The following CAMK1D variants were observed in gnomAD, a reference collection of about 807,000 sequenced individuals.
CAMK1D encodes the protein calcium/calmodulin dependent protein kinase ID.
CAMK1D carries 9 observed loss-of-function variants against 47.7 expected under a neutral mutation model. The ratio of observed to expected loss-of-function variants is 0.19; its 90% CI spans 0.11 to 0.33. CAMK1D has a LOEUF of 0.33. Ranked by LOEUF, CAMK1D falls within the 10% of genes least tolerant of loss-of-function variation. The pLI is 1.00. For missense variants in CAMK1D, 291 were observed against 488.7 expected (o/e 0.60, Z 3.81); for synonymous variants, 184 against 184.9 (o/e 0.99, Z 0.04).
chr10:12,396,851 C>A (rs925171935), intron 1 of CAMK1D, among the ~76,000 whole-genome samples: 2 of 152,208 alleles, frequency 1.3e-5, no homozygotes, highest in African/African-American at 4.8e-5. Context: ...TTCTGCTCTT[C>A]CTGAGGTTTG....
intron 3 of CAMK1D, among the ~76,000 whole-genome samples, chr10:12,727,106 T>C (rs12254828): frequency 0.022 from 3,357 of 152,314 alleles, 81 homozygotes; most frequent in African/African-American, 0.058. Flanking sequence ...TTGTGGCTCA[T>C]GGGGCCCAAA....
intron 3 of CAMK1D, among the ~76,000 whole-genome samples, chr10:12,693,634 C>A (rs763014094): frequency 1.9e-4 from 29 of 151,404 alleles, no homozygotes; most frequent in Non-Finnish European, 1.6e-4. Context: ...CCTGTCCCCC[C>A]CTAAAAAAGA....
chr10:12,500,878 T>C lies in CAMK1D; in HGVS notation c.93-52347T>C, dbSNP rs552507983. Among the ~76,000 whole-genome samples, 9 of 152,380 alleles carry C rather than the reference T, an allele frequency of 5.9e-5. No homozygotes were observed. In the South Asian group the frequency reaches 1.4e-3, roughly 25 times the overall value. On this transcript the variant is annotated intron_variant, in intron 1 of 10. Transcript: ENST00000619168. ...TGAAGAAGAGGAAACTGTGCTGTTATTAACTGCCTATTGTGTGAACACTTT... is the reference window on the plus strand; with the variant it reads ...TGAAGAAGAGGAAACTGTGCTGTTACTAACTGCCTATTGTGTGAACACTTT...
At chr10:12,683,615 A>C (rs1474151217) in intron 3 of CAMK1D, among the ~76,000 whole-genome samples, 1 of 151,958 alleles carries the variant, frequency 6.6e-6, no homozygotes, top group Non-Finnish European at 1.5e-5. Flanking sequence ...GTCTCTTCTG[A>C]CTATGAGCTT....
chr10:12,423,134 T>G (rs935315870), intron 1 of CAMK1D, among the ~76,000 whole-genome samples: 1 of 152,206 alleles, frequency 6.6e-6, no homozygotes, highest in African/African-American at 2.4e-5. Flanking sequence ...GCCGCTTCTG[T>G]GTTCTTCTAG....
At chr10:12,783,004 T>G (rs1332259937) in intron 5 of CAMK1D, among the ~76,000 whole-genome samples, 1 of 151,096 alleles carries the variant, frequency 6.6e-6, no homozygotes, top group Non-Finnish European at 1.5e-5. Context: ...TTGTTTTTTT[T>G]TTTTTTGAGA....
At chr10:12,370,333 A>G (rs1169060442) in intron 1 of CAMK1D, among the ~76,000 whole-genome samples, 2 of 149,660 alleles carry the variant, frequency 1.3e-5, no homozygotes, top group Non-Finnish European at 3.0e-5. Flanking sequence ...GTGATAATAA[A>G]CAATGATGTT....
At chr10:12,547,788 C>A (rs539449314) in intron 1 of CAMK1D, among the ~76,000 whole-genome samples, 1 of 152,258 alleles carries the variant, frequency 6.6e-6, no homozygotes, top group African/African-American at 2.4e-5. Context: ...TTTCCTGGAA[C>A]AGGGGAAGTG....
At chr10:12,777,363 CTTTTTTTTT>C (rs869192068) in intron 5 of CAMK1D, among the ~76,000 whole-genome samples, 4 of 88,524 alleles carry the variant, frequency 4.5e-5, no homozygotes, top group East Asian at 6.3e-4. Flanking sequence ...TTTGGTTGAA[CTTTTTTTTT>C]TTTTTTTTTT....
chr10:12,367,293 C>T (rs1323262512), intron 1 of CAMK1D, among the ~76,000 whole-genome samples: 1 of 152,048 alleles, frequency 6.6e-6, no homozygotes, highest in African/African-American at 2.4e-5. Context: ...AACCCCTCTT[C>T]AGAACACAGT....
intron 1 of CAMK1D, among the ~76,000 whole-genome samples, chr10:12,511,300 TTTAAAAA>T (rs1835031604): frequency 6.6e-6 from 1 of 152,118 alleles, no homozygotes; most frequent in African/African-American, 2.4e-5. Context: ...CCTGGGGAAC[TTTAAAAA>T]TTAATATCCA....
chr10:12,699,785 T>A (rs1315430733), intron 3 of CAMK1D, among the ~76,000 whole-genome samples: 3 of 152,322 alleles, frequency 2.0e-5, no homozygotes, highest in African/African-American at 7.2e-5. Context: ...TGGGGCATTG[T>A]CCACATAAAC....
intron 1 of CAMK1D, among the ~76,000 whole-genome samples, chr10:12,437,437 C>A (rs1390180913): frequency 6.6e-6 from 1 of 152,192 alleles, no homozygotes. Context: ...TTAGGTGATC[C>A]ACCCGCCTTG....
chr10:12,586,121 A>C (rs559839730), intron 2 of CAMK1D, among the ~76,000 whole-genome samples: 1 of 152,340 alleles, frequency 6.6e-6, no homozygotes, highest in South Asian at 2.1e-4. Context: ...AAGCCCCACC[A>C]TGAATTAATG....
At chr10:12,410,875 C>A (rs77401426) in intron 1 of CAMK1D, among the ~76,000 whole-genome samples, 3 of 152,090 alleles carry the variant, frequency 2.0e-5, no homozygotes, top group Non-Finnish European at 2.9e-5. Context: ...GCAATCTCTG[C>A]GGGTATTTCC....
chr10:12,458,544 G>C (rs1325756434), intron 1 of CAMK1D, among the ~76,000 whole-genome samples: 3 of 151,840 alleles, frequency 2.0e-5, no homozygotes, highest in Admixed American at 2.0e-4. Flanking sequence ...AGCCTTCCAA[G>C]TAGCTGGAAC....
chr10:12,796,792 G>T (rs545466660), intron 6 of CAMK1D, among the ~76,000 whole-genome samples: 37 of 152,246 alleles, frequency 2.4e-4, no homozygotes, highest in African/African-American at 8.2e-4. Context: ...GTGGGCCCAT[G>T]GTCTGGATTT....
chr10:12,581,272 C>T (rs922179130), intron 2 of CAMK1D, among the ~76,000 whole-genome samples: 11 of 152,174 alleles, frequency 7.2e-5, no homozygotes, highest in Admixed American at 5.2e-4. Context: ...CCACGATTTC[C>T]TTATCCACTC....
chr10:12,576,020 A>G (rs1837479497), intron 2 of CAMK1D, among the ~76,000 whole-genome samples: 1 of 152,250 alleles, frequency 6.6e-6, no homozygotes, highest in South Asian at 2.1e-4. Flanking sequence ...TAGTAACAAT[A>G]CAAATACAAA....
Sources: gnomAD v4.1 joint callset for allele counts (sites outside exome capture counted in the v4.1 genomes callset) on GRCh38, gnomAD v4.1.1 for gene constraint, MANE v1.5 for transcripts, NCBI Gene and HGNC (gene_info 2026-07-23, HGNC 2026-07-21) for gene names.